The following YWHAQ variants were observed in gnomAD, a reference collection of about 807,000 sequenced individuals.
The protein encoded by YWHAQ is tyrosine 3-monooxygenase/tryptophan 5-monooxygenase activation protein theta.
YWHAQ carries 6 observed loss-of-function variants against 28.3 expected under a neutral mutation model. The ratio of observed to expected loss-of-function variants is 0.21; its 90% CI spans 0.12 to 0.42. The LOEUF (loss-of-function observed/expected upper bound fraction) is 0.42, where lower values mean the gene tolerates loss of function less well. Ranked by LOEUF, YWHAQ falls within the 10% of genes least tolerant of loss-of-function variation. The pLI is 1.00. For missense variants in YWHAQ, 201 were observed against 305.6 expected (o/e 0.66, Z 2.55); for synonymous variants, 143 against 119.1 (o/e 1.20, Z -1.31).
chr2:9,621,704 A>C (rs1270286637), intron 2 of YWHAQ, among the ~76,000 whole-genome samples: 1 of 152,162 alleles, frequency 6.6e-6, no homozygotes, highest in Non-Finnish European at 1.5e-5. Flanking sequence ...TAAAGAATAC[A>C]ATTATCCATT....
In YWHAQ at chr2:9,591,398, GATC is replaced by G. The variant is rs1558541376; in HGVS notation, c.409_411del (p.Asp137del). The G allele has an allele frequency of 2.0e-5, 32 of 1,606,488 alleles. No homozygotes were observed. Among genetic ancestry groups the G allele is most frequent in the Non-Finnish European group, 2.6e-5 (31 of 1,174,976 alleles). The stretch of plus-strand genomic sequence containing the variant: ...ATATAACAAATAAACTTACGTTTTC[GATC>G]ATCACCACACGCAACTTCAGCAAGG... On this transcript the variant is annotated inframe_deletion, in exon 3 of 6. Transcript: ENST00000238081.
intron 2 of YWHAQ, among the ~76,000 whole-genome samples, chr2:9,602,829 TAAAAAAAAAAAAAAAAAAAAAA>T (rs869073430): frequency 2.0e-3 from 74 of 37,164 alleles, no homozygotes; most frequent in African/African-American, 5.1e-3. Context: ...ATGCCTAATT[TAAAAAAAAAAAAAAAAAAAAAA>T]AAAAAAAAAA....
chr2:9,598,935 C>T (rs758199030), intron 2 of YWHAQ, among the ~76,000 whole-genome samples: 3 of 152,166 alleles, frequency 2.0e-5, no homozygotes, highest in Non-Finnish European at 2.9e-5. Context: ...TGTCGAAAGC[C>T]AAGACAAGCT....
Position 9,602,829 on chromosome 2 carries a change from TAAAAAAAAAAAAAAAAAAAAA to T in YWHAQ, c.295-11335_295-11315del, listed in dbSNP as rs869073430. 4.0e-3 allele frequency among the ~76,000 whole-genome samples: 149 copies of T among 37,044 alleles called. 1 individual carries two copies. Among genetic ancestry groups the T allele is most frequent in the African/African-American group, 0.012 (139 of 11,754 alleles). The allele number at this position is 37,044 out of a possible 152,430, so 24.3% of individuals were successfully genotyped here. On this transcript the variant is annotated intron_variant, in intron 2 of 5. Coordinates refer to ENST00000238081, the MANE Select transcript of YWHAQ (RefSeq NM_006826.4). ...CAGGTGTGAACCACCATGCCTAATT[TAAAAAAAAAAAAAAAAAAAAA>T]AAAAAAAAAAAAATATATATATATA...
rs1266485547 is a variant in YWHAQ, at chr2:9,606,967, C to T, written c.295-15452G>A. The stretch of plus-strand genomic sequence containing the variant: ...TAGCATAATCTTGGCTCACTGCAAC[C>T]TCCACCTCCCGGGTTCAAGCGATTC... On this transcript the variant is annotated intron_variant, in intron 2 of 5. Coordinates refer to ENST00000238081, the MANE Select transcript of YWHAQ (RefSeq NM_006826.4). Among the ~76,000 whole-genome samples the T allele has an allele frequency of 4.0e-5, 6 of 151,504 alleles. No homozygotes were observed. The East Asian group carries it at 1.2e-3, about 29-fold the overall frequency.
At chr2:9,603,775 A>G (rs184059981) in intron 2 of YWHAQ, among the ~76,000 whole-genome samples, 152 of 151,810 alleles carry the variant, frequency 1.0e-3, no homozygotes, top group Middle Eastern at 6.8e-3. Context: ...ATACTAAAAA[A>G]CTAGCTGGGC....
chr2:9,630,662 CT>C lies in YWHAQ; in HGVS notation c.-82-129del. On this transcript the variant is annotated intron_variant, in intron 1 of 5. Transcript: ENST00000238081. This position sits in a 1 kb window ranked among gnomAD's most constrained non-coding sequence, Gnocchi z 5.6. ...CTTGAATTTCCCTCTCCCCCGCCCC[CT>C]CCCCCGCTGGGCACCCGGGGAGGCC... 2 of 435,312 alleles carry C rather than the reference CT, an allele frequency of 4.6e-6. No individual in the cohort carries two copies. Among genetic ancestry groups the C allele is most frequent in the Admixed American group, 9.0e-5 (2 of 22,290 alleles). The allele number at this position is 435,312 out of a possible 1,614,324, so 27.0% of individuals were successfully genotyped here.
At chr2:9,614,828 G>A (rs549622018) in intron 2 of YWHAQ, among the ~76,000 whole-genome samples, 1 of 152,272 alleles carries the variant, frequency 6.6e-6, no homozygotes, top group African/African-American at 2.4e-5. Flanking sequence ...CTCTGCAGCT[G>A]AAGTATATAC....
chr2:9,628,459 T>C (rs1284081786), intron 2 of YWHAQ, among the ~76,000 whole-genome samples: 1 of 152,252 alleles, frequency 6.6e-6, no homozygotes. Context: ...ATAAAACGAA[T>C]ATTCCTTTGG....
At chr2:9,598,013 T>TTTTTTTTTTG (rs1666612979) in intron 2 of YWHAQ, among the ~76,000 whole-genome samples, 1 of 134,898 alleles carries the variant, frequency 7.4e-6, no homozygotes, top group African/African-American at 2.9e-5. Context: ...TTTTTTTTTT[T>TTTTTTTTTTG]AGTAGAGACA....
chr2:9,603,946 C>T (rs1666766952), intron 2 of YWHAQ, among the ~76,000 whole-genome samples: 1 of 152,108 alleles, frequency 6.6e-6, no homozygotes, highest in Non-Finnish European at 1.5e-5. Flanking sequence ...AACCCATAAA[C>T]TAAAACTTTG....
At chr2:9,621,560 T>G (rs1032447547) in intron 2 of YWHAQ, among the ~76,000 whole-genome samples, 2 of 151,982 alleles carry the variant, frequency 1.3e-5, no homozygotes, top group Admixed American at 6.5e-5. Context: ...TTTCTAGCAG[T>G]TACAAGCTGA....
intron 2 of YWHAQ, among the ~76,000 whole-genome samples, chr2:9,593,558 C>A (rs1243637602): frequency 1.3e-5 from 2 of 151,964 alleles, no homozygotes; most frequent in Non-Finnish European, 2.9e-5. Context: ...CAACAGCTCA[C>A]ACCTACCATC....
In YWHAQ at chr2:9,587,298, C is replaced by T. The variant is rs190543531; in HGVS notation, c.678+116G>A. On this transcript the variant is annotated intron_variant, in intron 5 of 5. Coordinates refer to ENST00000238081, the MANE Select transcript of YWHAQ (RefSeq NM_006826.4). Reference sequence around the variant, plus strand: ...ATGTTCGTCCCATAAAATACTAACACGTATCTCATACTTTCAGCTCGTATG... The same window carrying T: ...ATGTTCGTCCCATAAAATACTAACATGTATCTCATACTTTCAGCTCGTATG... 836 of 872,490 alleles carry T rather than the reference C, an allele frequency of 9.6e-4. 7 individuals are homozygous for T. The African/African-American group carries it at 0.011, about 12-fold the overall frequency. The allele number at this position is 872,490 out of a possible 1,614,324, so 54.0% of individuals were successfully genotyped here.
chr2:9,594,762 T>A (rs114686226), intron 2 of YWHAQ, among the ~76,000 whole-genome samples: 1 of 152,198 alleles, frequency 6.6e-6, no homozygotes, highest in Admixed American at 6.5e-5. Flanking sequence ...GGTAGATTTG[T>A]AAGAGCAGGG....
In YWHAQ at chr2:9,630,279, G is replaced by A. The variant is rs1348431103; in HGVS notation, c.174C>T (p.Ala58=). The change falls in exon 2 of 6, where the codon GCC becomes GCT. Residue 58 remains alanine (A), a synonymous_variant. Coordinates refer to ENST00000238081, the MANE Select transcript of YWHAQ (RefSeq NM_006826.4). This position sits in a 1 kb window ranked among gnomAD's most constrained non-coding sequence, Gnocchi z 5.6. The part of the protein sequence containing the change: ...YKNVVGGRRS[A]WRVISSIEQK... Reference sequence around the variant, plus strand: ...GCTCGATGCTAGAGATGACCCTCCAGGCGGACCTGCGGCCCCCGACCACGT... The same window carrying A: ...GCTCGATGCTAGAGATGACCCTCCAAGCGGACCTGCGGCCCCCGACCACGT... 3 of 1,614,174 alleles carry A rather than the reference G, an allele frequency of 1.9e-6. No individual in the cohort carries two copies. Among genetic ancestry groups the A allele is most frequent in the Non-Finnish European group, 2.5e-6 (3 of 1,180,042 alleles).
At chr2:9,602,609 A>G (rs1666715232) in intron 2 of YWHAQ, among the ~76,000 whole-genome samples, 1 of 151,172 alleles carries the variant, frequency 6.6e-6, no homozygotes, top group South Asian at 2.1e-4. Context: ...CAGTGCAGTG[A>G]TCACAGCTTA....
intron 5 of YWHAQ, among the ~76,000 whole-genome samples, chr2:9,585,663 G>A (rs1025890207): frequency 3.3e-5 from 5 of 152,052 alleles, no homozygotes; most frequent in African/African-American, 7.2e-5. Flanking sequence ...ATCTCAGCAC[G>A]TAGGGAGGCC....
Position 9,593,811 on chromosome 2 carries a change from G to C in YWHAQ, c.295-2296C>G, listed in dbSNP as rs544087897. On this transcript the variant is annotated intron_variant, in intron 2 of 5. Transcript: ENST00000238081. ...CCACTGCATTCCAGCCTGGGAGACA[G>C]AGCAAAAGAGATCCTGTCTGTCTCT... Among the ~76,000 whole-genome samples the C allele has an allele frequency of 6.0e-5, 9 of 151,144 alleles. No individual in the cohort carries two copies. In the South Asian group the frequency reaches 1.5e-3, roughly 25 times the overall value.
Sources: gnomAD v4.1 joint callset for allele counts (sites outside exome capture counted in the v4.1 genomes callset) on GRCh38, gnomAD v4.1.1 for gene constraint, Gnocchi (gnomAD v3.1) non-coding constraint, MANE v1.5 for transcripts, NCBI Gene and HGNC (gene_info 2026-07-23, HGNC 2026-07-21) for gene names.